Variants in ARHGAP26 observed in about 807,000 individuals in gnomAD.
ARHGAP26 encodes the protein rho GTPase-activating protein 26.
A neutral mutation model predicts 104.8 loss-of-function variants in ARHGAP26; 38 were observed. The observed-to-expected ratio is 0.36, with a 90% confidence interval of 0.28 to 0.48. The LOEUF is 0.48. Among genes scored for constraint, ARHGAP26 ranks in the 20% least tolerant of loss-of-function variants. The pLI is 0.99. For synonymous variants in ARHGAP26, 341 were observed against 340.0 expected (o/e 1.00, Z -0.03); for missense variants, 704 against 947.9 (o/e 0.74, Z 3.38).
intron 17 of ARHGAP26, among the ~76,000 whole-genome samples, chr5:143,081,696 T>C (rs1425711283): frequency 1.3e-5 from 2 of 152,190 alleles, no homozygotes; most frequent in African/African-American, 4.8e-5. Flanking sequence ...ATATCCAGTT[T>C]CTGGCATGGA....
chr5:142,941,169 CTTT>C (rs966480146), intron 11 of ARHGAP26, among the ~76,000 whole-genome samples: 1 of 142,594 alleles, frequency 7.0e-6, no homozygotes, highest in Non-Finnish European at 1.5e-5. Flanking sequence ...GTTTTAAGTT[CTTT>C]GAGGAATCGC....
chr5:142,889,793 G>A (rs796401821), intron 5 of ARHGAP26, among the ~76,000 whole-genome samples: 21 of 151,906 alleles, frequency 1.4e-4, no homozygotes, highest in African/African-American at 4.6e-4. Context: ...TGAGTGTGTC[G>A]CAAAATCACA....
At chr5:142,878,176 A>C (rs554686095) in intron 3 of ARHGAP26, among the ~76,000 whole-genome samples, 1 of 152,334 alleles carries the variant, frequency 6.6e-6, no homozygotes, top group Non-Finnish European at 1.5e-5. Context: ...CATGTGGTTT[A>C]GGAAAAATAA....
In ARHGAP26 at chr5:142,882,264, C is replaced by T. The variant is rs78026899; in HGVS notation, c.384+2819C>T. 4.3e-3 allele frequency among the ~76,000 whole-genome samples: 653 copies of T among 152,204 alleles called. 7 individuals carry two copies. Among genetic ancestry groups the T allele is most frequent in the African/African-American group, 0.015 (626 of 41,524 alleles). On this transcript the variant is annotated intron_variant, in intron 4 of 22. Transcript: ENST00000645722. ...ATGGGGGTAATAATAAAACTTGCCT[C>T]GTAGAGTTATTATGAAGAAGAAGTG...
At chr5:142,921,695 A>G (rs1763215333) in intron 10 of ARHGAP26, 1 of 163,650 alleles carries the variant, frequency 6.1e-6, no homozygotes, top group Non-Finnish European at 1.5e-5. Context: ...GAGCATTCCT[A>G]AATTTGAATT....
At chr5:142,936,766 A>G (rs1358609481) in intron 11 of ARHGAP26, among the ~76,000 whole-genome samples, 4 of 152,006 alleles carry the variant, frequency 2.6e-5, no homozygotes, top group Non-Finnish European at 5.9e-5. Context: ...AAGCAGTTCA[A>G]TGGAGGAAGG....
chr5:143,205,066 G>A (rs746127181), intron 20 of ARHGAP26, among the ~76,000 whole-genome samples: 51 of 152,258 alleles, frequency 3.3e-4, no homozygotes, highest in Non-Finnish European at 7.1e-4. Context: ...AACTGTGGAA[G>A]AAAATGGAGA....
chr5:143,012,848 G>A (rs1351431886), intron 11 of ARHGAP26, among the ~76,000 whole-genome samples: 1 of 151,412 alleles, frequency 6.6e-6, no homozygotes, highest in Non-Finnish European at 1.5e-5. Flanking sequence ...TAGAGACGGA[G>A]TTTCACCATG....
Position 143,174,033 on chromosome 5 carries a change from A to T in ARHGAP26, c.1988+26652A>T, listed in dbSNP as rs137919940. Among the ~76,000 whole-genome samples the T allele has an allele frequency of 1.6e-4, 24 of 152,352 alleles. No homozygotes were observed. In the East Asian group the frequency reaches 4.2e-3, roughly 27 times the overall value. On this transcript the variant is annotated intron_variant, in intron 20 of 22. Coordinates refer to ENST00000645722, the MANE Select transcript of ARHGAP26 (RefSeq NM_001135608.3). ...CTGTGTGTAAAGCAGGAAGGGTGACATCTGTTTCTTCCAATAGCCTCTCCA... is the reference window on the plus strand; with the variant it reads ...CTGTGTGTAAAGCAGGAAGGGTGACTTCTGTTTCTTCCAATAGCCTCTCCA...
intron 12 of ARHGAP26, among the ~76,000 whole-genome samples, chr5:143,032,696 T>C (rs1414412477): frequency 6.6e-6 from 1 of 152,244 alleles, no homozygotes; most frequent in Admixed American, 6.5e-5. Flanking sequence ...AATGATCTGG[T>C]TATGTGTGCA....
intron 1 of ARHGAP26, among the ~76,000 whole-genome samples, chr5:142,778,504 T>G (rs1023955254): frequency 2.0e-5 from 3 of 152,222 alleles, no homozygotes; most frequent in Non-Finnish European, 4.4e-5. Context: ...CTTTTCGAGT[T>G]GATCATTTGT....
intron 11 of ARHGAP26, among the ~76,000 whole-genome samples, chr5:142,989,323 T>G (rs1252129236): frequency 6.6e-6 from 1 of 152,222 alleles, no homozygotes. Context: ...CTCCTGCTTT[T>G]TTTTGTTTTC....
rs770972810 is a variant in ARHGAP26 at position 143,134,084 on chromosome 5, A to C, written c.1816A>C (p.Thr606Pro). ...CSERPLTLFH[T>P]VQSTEKQEQR... Reference sequence around the variant, plus strand: ...CGAGAGGCCCCTGACGCTCTTCCACACCGTTCAGTCAACAGAGAAACGTGA... The same window carrying C: ...CGAGAGGCCCCTGACGCTCTTCCACCCCGTTCAGTCAACAGAGAAACGTGA... The change falls in exon 19 of 23, where the codon ACC becomes CCC. Residue 606 changes from threonine (T) to proline (P), a missense_variant. Thr to Pro is a conservative substitution (Grantham distance 38). Transcript: ENST00000645722. 2 of 1,611,180 alleles carry C rather than the reference A, an allele frequency of 1.2e-6. No homozygotes were observed. Among genetic ancestry groups the C allele is most frequent in the East Asian group, 2.2e-5 (1 of 44,756 alleles).
At chr5:142,870,663 G>C (rs1192684843) in intron 1 of ARHGAP26, among the ~76,000 whole-genome samples, 1 of 152,212 alleles carries the variant, frequency 6.6e-6, no homozygotes, top group Non-Finnish European at 1.5e-5. Context: ...TGTGCAGAGT[G>C]CCTATACAGT....
chr5:142,790,874 C>T (rs1759657240), intron 1 of ARHGAP26, among the ~76,000 whole-genome samples: 1 of 152,158 alleles, frequency 6.6e-6, no homozygotes, highest in African/African-American at 2.4e-5. Flanking sequence ...TCCCATCCTT[C>T]CCCTTCTATC....
At chr5:142,870,112 G>A (rs930941000) in intron 1 of ARHGAP26, among the ~76,000 whole-genome samples, 2 of 152,138 alleles carry the variant, frequency 1.3e-5, no homozygotes, top group African/African-American at 4.8e-5. Context: ...TCCTTGCTGT[G>A]TCTTGCACTG....
At chr5:143,174,010 G>A (rs1165576179) in intron 20 of ARHGAP26, among the ~76,000 whole-genome samples, 1 of 152,224 alleles carries the variant, frequency 6.6e-6, no homozygotes, top group African/African-American at 2.4e-5. Context: ...GTATCTTCCT[G>A]TGTGTAAAGC....
chr5:143,126,911 G>A (rs1320241305), intron 18 of ARHGAP26, among the ~76,000 whole-genome samples: 1 of 152,130 alleles, frequency 6.6e-6, no homozygotes, highest in African/African-American at 2.4e-5. Flanking sequence ...ATCACACTGA[G>A]TCTTAAAACA....
At chr5:143,032,249 C>T (rs966128798) in intron 12 of ARHGAP26, among the ~76,000 whole-genome samples, 25 of 152,098 alleles carry the variant, frequency 1.6e-4, no homozygotes, top group Admixed American at 8.5e-4. Context: ...TGGGCTGCCT[C>T]GTGTGTACAC....
Sources: allele counts gnomAD v4.1 joint callset (sites outside exome capture counted in the v4.1 genomes callset), GRCh38; gene constraint gnomAD v4.1.1; transcripts MANE v1.5; gene names NCBI Gene and HGNC (gene_info 2026-07-23, HGNC 2026-07-21).